Variants in LRRC8E observed in about 807,000 individuals in gnomAD.
LRRC8E encodes the protein leucine rich repeat containing 8 VRAC subunit E, also known as volume-regulated anion channel subunit LRRC8E.
In LRRC8E, 6 loss-of-function variants were observed where a neutral mutation model predicts 6.1. That is an observed-to-expected ratio of 0.98 (90% CI 0.54 to 1.93). LRRC8E has a LOEUF of 1.93. Among genes scored for constraint, LRRC8E ranks in the 30% most tolerant of loss-of-function variants. The pLI, the probability that LRRC8E is intolerant of heterozygous loss-of-function variation, is 0.01. For missense variants in LRRC8E, 1,028 were observed against 1,031.4 expected (o/e 1.00, Z 0.04); for synonymous variants, 485 against 472.8 (o/e 1.03, Z -0.33).
chr19:7,899,574 C>G lies in LRRC8E; in HGVS notation c.1052C>G (p.Thr351Ser), dbSNP rs141297970. The G allele has an allele frequency of 1.4e-4, 220 of 1,613,776 alleles. No homozygotes were observed. The highest frequency in any genetic ancestry group is 1.8e-4 in the Non-Finnish European group (214 of 1,180,056). The change falls in exon 3 of 3, where the codon ACT (threonine) becomes AGT (serine). Residue 351 changes from threonine (T) to serine (S), a missense_variant. By Grantham distance (58) the Thr-to-Ser change is moderately conservative. Coordinates refer to ENST00000306708, the MANE Select transcript of LRRC8E (RefSeq NM_025061.6). ...TCCTTCCGTTCCGTGCGGGAGGAGA[C>G]TGGCATGGGGGACATTCCTGACGTC... is the stretch of plus-strand genomic sequence containing the variant. ...EYSFRSVREETGMGDIPDVKN... is the reference protein window; with the variant it reads ...EYSFRSVREESGMGDIPDVKN...
At position 7,900,445 on chromosome 19, in the gene LRRC8E, G is replaced by C; in HGVS notation, c.1923G>C (p.Gln641His). 3 of 1,612,978 alleles carry C rather than the reference G, an allele frequency of 1.9e-6. No individual in the cohort carries two copies. The highest frequency in any genetic ancestry group is 1.7e-6 in the Non-Finnish European group (2 of 1,179,966). ...KLVTLRLWHN[Q>H]IAYVPEHVRK... is the part of the protein sequence containing the mutation. Reference sequence around the variant, plus strand: ...TCACGCTCAGGCTGTGGCACAACCAGATCGCCTACGTCCCTGAGCACGTGC... The same window carrying C: ...TCACGCTCAGGCTGTGGCACAACCACATCGCCTACGTCCCTGAGCACGTGC... Residue 641 changes from glutamine to histidine, a missense_variant, in exon 3 of 3, where the codon CAG becomes CAC. Transcript: ENST00000306708. This position sits in a 1 kb window ranked among gnomAD's most constrained non-coding sequence, Gnocchi z 5.0.
chr19:7,888,876 G>A (rs56275926), intron 1 of LRRC8E, among the ~76,000 whole-genome samples: 26,926 of 152,172 alleles, frequency 0.18, 2,740 homozygotes, highest in Non-Finnish European at 0.23. Flanking sequence ...GACTTTGGGG[G>A]TCTCAACCAC....
chr19:7,892,129 G>A (rs1412932341), intron 1 of LRRC8E, among the ~76,000 whole-genome samples: 4 of 151,186 alleles, frequency 2.6e-5, no homozygotes, highest in African/African-American at 9.8e-5. Flanking sequence ...CTGGAGTACA[G>A]TTGTGCAATC....
chr19:7,900,674 C>T lies in LRRC8E; in HGVS notation c.2152C>T (p.Leu718Phe). 6.2e-7 allele frequency: 1 copy of T among 1,613,450 alleles called. No individual in the cohort carries two copies. Among genetic ancestry groups the T allele is most frequent in the Non-Finnish European group, 8.5e-7 (1 of 1,180,042 alleles). Residue 718 changes from leucine to phenylalanine, a missense_variant, in exon 3 of 3, where the codon CTC (leucine) becomes TTC (phenylalanine). Transcript: ENST00000306708. This position sits in a 1 kb window ranked among gnomAD's most constrained non-coding sequence, Gnocchi z 5.0. Reference protein sequence around the residue: ...YNALEALPEELFFCRKLRTLL... With the variant: ...YNALEALPEEFFFCRKLRTLL... The stretch of plus-strand genomic sequence containing the variant: ...TGCCCTGGAGGCCCTGCCCGAAGAG[C>T]TCTTCTTCTGCCGCAAGCTGCGGAC...
chr19:7,900,421 C>A lies in LRRC8E; in HGVS notation c.1899C>A (p.Val633=). Residue 633 remains valine (V), a synonymous_variant, in exon 3 of 3, where the codon GTC becomes GTA. Transcript: ENST00000306708. The surrounding 1 kb of genome is among the most constrained non-coding windows in gnomAD (Gnocchi z 5.0). Reference sequence around the variant, plus strand: ...GCTTCCAGCACTGCCGGAAGCTGGTCACGCTCAGGCTGTGGCACAACCAGA... The same window carrying A: ...GCTTCCAGCACTGCCGGAAGCTGGTAACGCTCAGGCTGTGGCACAACCAGA... ...ILSFQHCRKL[V]TLRLWHNQIA... 6.2e-7 allele frequency: 1 copy of A among 1,612,884 alleles called. No homozygotes were observed.
intron 1 of LRRC8E, among the ~76,000 whole-genome samples, chr19:7,894,764 C>T (rs1340144074): frequency 6.6e-6 from 1 of 152,216 alleles, no homozygotes; most frequent in Admixed American, 6.5e-5. Context: ...TAAAAGGAGA[C>T]CCTGGGAACA....
At chr19:7,893,941 G>A (rs1398455290) in intron 1 of LRRC8E, 1 of 152,346 alleles carries the variant, frequency 6.6e-6, no homozygotes, top group Non-Finnish European at 1.5e-5. Context: ...GCCTCTGAGG[G>A]GGTAAAAGGA....
At chr19:7,897,238 C>T (rs1355673569) in intron 2 of LRRC8E, among the ~76,000 whole-genome samples, 2 of 151,094 alleles carry the variant, frequency 1.3e-5, no homozygotes, top group South Asian at 2.1e-4. Context: ...GGTGCGATCT[C>T]GGCTCACTGC....
At position 7,899,278 on chromosome 19, in the gene LRRC8E, C is replaced by T. The variant is rs761107797; in HGVS notation, c.756C>T (p.Tyr252=). 3.7e-6 allele frequency: 6 copies of T among 1,614,242 alleles called. No homozygotes were observed. The Admixed American group carries it at 5.0e-5, about 13-fold the overall frequency. ...RMHVEEGDIL[Y]TMYIRQTVLK... is the part of the protein sequence containing the mutation. Reference sequence around the variant, plus strand: ...ACGTGGAAGAGGGCGACATCCTGTACACCATGTACATCCGACAGACGGTGC... The same window carrying T: ...ACGTGGAAGAGGGCGACATCCTGTATACCATGTACATCCGACAGACGGTGC... Residue 252 remains tyrosine (Y), a synonymous_variant, in exon 3 of 3, where the codon TAC becomes TAT. Coordinates refer to ENST00000306708, the MANE Select transcript of LRRC8E (RefSeq NM_025061.6).
Position 7,898,997 on chromosome 19 carries a change from T to A in LRRC8E, c.475T>A (p.Ser159Thr), listed in dbSNP as rs759613965. Residue 159 changes from serine to threonine, a missense_variant, in exon 3 of 3, where the codon TCT becomes ACT. By Grantham distance (58) the Ser-to-Thr change is moderately conservative (BLOSUM62 1). Coordinates refer to ENST00000306708, the MANE Select transcript of LRRC8E (RefSeq NM_025061.6). ...FISILGKCFD[S>T]PWTTRALSEV... ...CTCCATCCTGGGCAAGTGTTTCGAC[T>A]CTCCATGGACCACCAGGGCCCTATC... is the stretch of plus-strand genomic sequence containing the variant. 3 of 1,613,788 alleles carry A rather than the reference T, an allele frequency of 1.9e-6. No individual in the cohort carries two copies. The highest frequency in any genetic ancestry group is 2.5e-6 in the Non-Finnish European group (3 of 1,180,028).
At chr19:7,889,263 C>G (rs1050779398) in intron 1 of LRRC8E, among the ~76,000 whole-genome samples, 4 of 150,922 alleles carry the variant, frequency 2.7e-5, no homozygotes, top group African/African-American at 9.8e-5. Flanking sequence ...ACCAGCCTGG[C>G]TAACACGGTG....
Position 7,899,971 on chromosome 19 carries a change from G to T in LRRC8E, c.1449G>T (p.Arg483=). The change falls in exon 3 of 3, where the codon CGG becomes CGT. Residue 483 remains arginine (R), a synonymous_variant. Coordinates refer to ENST00000306708, the MANE Select transcript of LRRC8E (RefSeq NM_025061.6). ...CCTTCTCCTTGCAGGTCTTCCTGCG[G>T]GACCACCTGAAGGTGATGCGCGTCA... ...RLPFSLQVFL[R]DHLKVMRVKC... 6.2e-7 allele frequency: 1 copy of T among 1,609,546 alleles called. No individual in the cohort carries two copies.
At chr19:7,890,052 A>G (rs1343304529) in intron 1 of LRRC8E, among the ~76,000 whole-genome samples, 1 of 146,622 alleles carries the variant, frequency 6.8e-6, no homozygotes, top group Admixed American at 6.9e-5. Flanking sequence ...TCAGGACTCT[A>G]TGTCTAAAAA....
chr19:7,894,961 G>A (rs900677111), intron 1 of LRRC8E, among the ~76,000 whole-genome samples: 4 of 152,254 alleles, frequency 2.6e-5, no homozygotes, highest in East Asian at 1.9e-4. Context: ...AGAAACTCAG[G>A]TGTCCTGGTC....
intron 1 of LRRC8E, among the ~76,000 whole-genome samples, chr19:7,894,061 G>C (rs921074499): frequency 2.0e-5 from 3 of 152,152 alleles, no homozygotes; most frequent in African/African-American, 7.2e-5. Flanking sequence ...AAACTGAAAA[G>C]GGAGGCTCAG....
In LRRC8E at chr19:7,895,274, G is replaced by C. The variant is rs573988248; in HGVS notation, c.-5-325G>C. On this transcript the variant is annotated intron_variant, in intron 1 of 2. Coordinates refer to ENST00000306708, the MANE Select transcript of LRRC8E (RefSeq NM_025061.6). The surrounding 1 kb of genome is among the most constrained non-coding windows in gnomAD (Gnocchi z 4.7). ...TGGGAGAGGGATGCCTCGTTTTGGG[G>C]AGGGGGCCACCCGAGGAGGCTGGAG... 19 of 250,716 alleles carry C rather than the reference G, an allele frequency of 7.6e-5. No homozygotes were observed. The South Asian group carries it at 1.6e-3, about 21-fold the overall frequency. The allele number at this position is 250,716 out of a possible 1,614,324, so 15.5% of individuals were successfully genotyped here. A position where few individuals can be genotyped will look rare whatever the true frequency, so the allele number is the denominator to read the frequency against.
At chr19:7,889,494 G>C (rs1211253328) in intron 1 of LRRC8E, among the ~76,000 whole-genome samples, 1 of 151,386 alleles carries the variant, frequency 6.6e-6, no homozygotes, top group Non-Finnish European at 1.5e-5. Flanking sequence ...TGTAATCCCA[G>C]CACTTTGGGA....
rs747667829 is a variant in LRRC8E, at chr19:7,898,913, G to A, written c.391G>A (p.Val131Ile). 1 of 1,614,226 alleles carries A rather than the reference G, an allele frequency of 6.2e-7. No homozygotes were observed. The highest frequency in any genetic ancestry group is 1.1e-5 in the South Asian group (1 of 91,084). Residue 131 changes from valine (V) to isoleucine (I), a missense_variant, in exon 3 of 3, where the codon GTC becomes ATC. Coordinates refer to ENST00000306708, the MANE Select transcript of LRRC8E (RefSeq NM_025061.6). ...LVVIHTLIFMVCTSFWFKFPG... is the reference protein window; with the variant it reads ...LVVIHTLIFMICTSFWFKFPG... ...GGTCATTCACACACTCATCTTCATG[G>A]TCTGCACCAGTTTCTGGTTCAAGTT...
chr19:7,892,351 C>G (rs1981359644), intron 1 of LRRC8E, among the ~76,000 whole-genome samples: 8 of 152,100 alleles, frequency 5.3e-5, no homozygotes, highest in Admixed American at 5.2e-4. Context: ...GGATTACAGG[C>G]GTGAGCCACC....
Sources: gnomAD v4.1 joint callset for allele counts (sites outside exome capture counted in the v4.1 genomes callset) on GRCh38, gnomAD v4.1.1 for gene constraint, Gnocchi (gnomAD v3.1) non-coding constraint, MANE v1.5 for transcripts, NCBI Gene and HGNC (gene_info 2026-07-23, HGNC 2026-07-21) for gene names.